Variants in KDM4A observed in about 807,000 individuals in gnomAD.
The protein encoded by KDM4A is lysine-specific demethylase 4A.
KDM4A carries 23 observed loss-of-function variants against 127.1 expected under a neutral mutation model. That is an observed-to-expected ratio of 0.18 (90% CI 0.13 to 0.26). The LOEUF (loss-of-function observed/expected upper bound fraction) is 0.26, where lower values mean the gene tolerates loss of function less well. Among genes scored for constraint, KDM4A ranks in the 10% least tolerant of loss-of-function variants. The pLI is 1.00. For synonymous variants in KDM4A, 443 were observed against 466.5 expected (o/e 0.95, Z 0.65); for missense variants, 890 against 1,329.1 (o/e 0.67, Z 5.14).
At chr1:43,701,071 C>T (rs774300614) in intron 19 of KDM4A, among the ~76,000 whole-genome samples, 13 of 151,990 alleles carry the variant, frequency 8.6e-5, no homozygotes, top group East Asian at 1.9e-4. Context: ...TACAGGTGCA[C>T]GCCACCACGC....
chr1:43,676,883 A>C (rs1017459006), intron 11 of KDM4A, among the ~76,000 whole-genome samples: 1 of 152,100 alleles, frequency 6.6e-6, no homozygotes, highest in Non-Finnish European at 1.5e-5. Flanking sequence ...TGTACAATAG[A>C]TTATTGTAAA....
chr1:43,652,116 C>T (rs1290094409), intron 1 of KDM4A, among the ~76,000 whole-genome samples: 3 of 152,184 alleles, frequency 2.0e-5, no homozygotes. Context: ...TCTGGTTTAG[C>T]TGTGCCCTAG....
chr1:43,670,848 A>G (rs1557909350), intron 10 of KDM4A, among the ~76,000 whole-genome samples: 1 of 152,080 alleles, frequency 6.6e-6, no homozygotes, highest in Non-Finnish European at 1.5e-5. Flanking sequence ...GCAGTGAGCC[A>G]CCATGCCTGG....
intron 11 of KDM4A, among the ~76,000 whole-genome samples, chr1:43,674,535 G>A (rs985624295): frequency 2.0e-5 from 3 of 150,672 alleles, no homozygotes; most frequent in Non-Finnish European, 4.4e-5. Context: ...TTTTTGTGGG[G>A]GGACTGAGTC....
At position 43,697,847 on chromosome 1, in the gene KDM4A, C is replaced by T. The variant is rs1157865074; in HGVS notation, c.2675C>T (p.Ala892Val). The T allele has an allele frequency of 1.2e-6, 2 of 1,608,778 alleles. No individual in the cohort carries two copies. The highest frequency in any genetic ancestry group is 1.7e-6 in the Non-Finnish European group (2 of 1,178,250). The change falls in exon 19 of 22, where the codon GCC (alanine) becomes GTC (valine). Residue 892 changes from alanine (A) to valine (V), a missense_variant. Around this residue, in one of 7 missense-constraint regions of KDM4A, gnomAD observed 246 missense variants for 418.4 expected, o/e 0.59. Transcript: ENST00000372396. Reference sequence around the variant, plus strand: ...AAAGCCTCTGTTTTTTTCCAGCGTGCCAAGGGGGCCTTGCAAAGCATCACT... The same window carrying T: ...AAAGCCTCTGTTTTTTTCCAGCGTGTCAAGGGGGCCTTGCAAAGCATCACT... The part of the protein sequence containing the change: ...FRHKIPNLER[A>V]KGALQSITAG...
At chr1:43,674,360 A>C (rs11800875) in intron 11 of KDM4A, among the ~76,000 whole-genome samples, 170 of 152,338 alleles carry the variant, frequency 1.1e-3, no homozygotes, top group African/African-American at 3.8e-3. Context: ...AGGTGCAGGA[A>C]GCCAATAAAT....
chr1:43,663,239 C>A, intron 5 of KDM4A, 152 bp downstream of exon 5: 1 of 664,048 alleles, frequency 1.5e-6, no homozygotes. Flanking sequence ...CTTTCAAGTG[C>A]TAAGATGCTT....
rs377314486 is a variant in KDM4A, at chr1:43,667,070, G to A, written c.894G>A (p.Glu298=). The change falls in exon 8 of 22, where the codon GAG becomes GAA. Residue 298 remains glutamate (E), a synonymous_variant. Coordinates refer to ENST00000372396, the MANE Select transcript of KDM4A (RefSeq NM_014663.3). ...ATTTTGCTACCCGTCGGTGGATTGA[G>A]TACGGCAAGCAAGCTGTGCTGGTAA... ...STNFATRRWI[E]YGKQAVLCSC... is the part of the protein sequence containing the mutation. The A allele has an allele frequency of 8.7e-6, 14 of 1,614,168 alleles. No individual in the cohort carries two copies. In the African/African-American group the frequency reaches 1.2e-4, roughly 14 times the overall value.
chr1:43,690,875 G>C lies in KDM4A; in HGVS notation c.2068G>C (p.Gly690Arg), dbSNP rs1570866149. Residue 690 changes from glycine to arginine, a missense_variant, in exon 14 of 22, where the codon GGA (glycine) becomes CGA (arginine). Gly to Arg is a moderately radical substitution (Grantham distance 125). Around this residue, in one of 7 missense-constraint regions of KDM4A, gnomAD observed 389 missense variants for 485.9 expected, o/e 0.80. Coordinates refer to ENST00000372396, the MANE Select transcript of KDM4A (RefSeq NM_014663.3). ...ATTTGGAGGCTTTAATCAGAACTGT[G>C]GAAATGCTTCAGATTTAGCCCCCCA... ...VEFGGFNQNC[G>R]NASDLAPQKQ... is the part of the protein sequence containing the mutation. The C allele has an allele frequency of 3.7e-6, 6 of 1,614,170 alleles. No homozygotes were observed. The highest frequency in any genetic ancestry group is 5.1e-6 in the Non-Finnish European group (6 of 1,180,020).
intron 11 of KDM4A, among the ~76,000 whole-genome samples, chr1:43,681,461 A>G (rs970739886): frequency 6.6e-6 from 1 of 152,020 alleles, no homozygotes; most frequent in African/African-American, 2.4e-5. Flanking sequence ...TGAATTTCTT[A>G]TTGCCTCCCC....
At chr1:43,696,448 G>T (rs2154048975) in intron 18 of KDM4A, among the ~76,000 whole-genome samples, 2 of 152,346 alleles carry the variant, frequency 1.3e-5, no homozygotes, top group South Asian at 4.1e-4. Context: ...GCCATTTGGG[G>T]TTGCAGAAAA....
At chr1:43,668,603 G>A (rs1355225676) in intron 9 of KDM4A, among the ~76,000 whole-genome samples, 1 of 152,144 alleles carries the variant, frequency 6.6e-6, no homozygotes. Flanking sequence ...ATGTGCGAAG[G>A]TCGGGCTCCC....
At chr1:43,687,379 C>T (rs958169711) in intron 12 of KDM4A, among the ~76,000 whole-genome samples, 2 of 152,114 alleles carry the variant, frequency 1.3e-5, no homozygotes, top group Non-Finnish European at 2.9e-5. Flanking sequence ...GTTTCAGGGG[C>T]CTTTGGGAAA....
chr1:43,682,493 C>T (rs923451274), intron 11 of KDM4A, among the ~76,000 whole-genome samples: 7 of 152,188 alleles, frequency 4.6e-5, no homozygotes, highest in Non-Finnish European at 8.8e-5. Context: ...CTCACTCCAC[C>T]ATATTCCTCC....
intron 12 of KDM4A, among the ~76,000 whole-genome samples, chr1:43,687,333 G>T (rs1436691822): frequency 6.6e-6 from 1 of 152,240 alleles, no homozygotes; most frequent in Non-Finnish European, 1.5e-5. Flanking sequence ...CCTAATGGAA[G>T]TACAGACCAG....
chr1:43,670,128 C>A (rs1660584989), intron 10 of KDM4A, among the ~76,000 whole-genome samples: 1 of 152,052 alleles, frequency 6.6e-6, no homozygotes, highest in Non-Finnish European at 1.5e-5. Context: ...GCTTAAGAAG[C>A]CATTTATATT....
intron 19 of KDM4A, among the ~76,000 whole-genome samples, chr1:43,699,485 C>T (rs1661330272): frequency 6.6e-6 from 1 of 152,056 alleles, no homozygotes; most frequent in African/African-American, 2.4e-5. Context: ...CTCATACCCA[C>T]TGTGAGAAGG....
At chr1:43,687,365 A>G (rs1484433609) in intron 12 of KDM4A, among the ~76,000 whole-genome samples, 1 of 152,214 alleles carries the variant, frequency 6.6e-6, no homozygotes, top group Non-Finnish European at 1.5e-5. Context: ...GCTGCTTGGA[A>G]CAGGTTTCAG....
rs573655264 is a variant in KDM4A, at chr1:43,688,659, G to A, written c.1856-255G>A. On this transcript the variant is annotated intron_variant, in intron 12 of 21. Transcript: ENST00000372396. This position sits in a 1 kb window ranked among gnomAD's most constrained non-coding sequence, Gnocchi z 4.4. ...TAGAGCAAGCTGAGCTCGTGGGGCA[G>A]GAGGAAGAATGGAGGCCATGAGTCA... Among the ~76,000 whole-genome samples, 1 of 152,322 alleles carries A rather than the reference G, an allele frequency of 6.6e-6. No homozygotes were observed. Among genetic ancestry groups the A allele is most frequent in the South Asian group, 2.1e-4 (1 of 4,828 alleles).
Sources: gnomAD v4.1 joint callset for allele counts (sites outside exome capture counted in the v4.1 genomes callset) on GRCh38, gnomAD v4.1.1 for gene constraint, gnomAD v4.1.1 regional missense constraint, Gnocchi (gnomAD v3.1) non-coding constraint, MANE v1.5 for transcripts, NCBI Gene and HGNC (gene_info 2026-07-23, HGNC 2026-07-21) for gene names.